The following CHIC2 variants were observed in gnomAD, a reference collection of about 807,000 sequenced individuals.
The protein encoded by CHIC2 is cysteine-rich hydrophobic domain-containing protein 2.
Under a neutral mutation model 25.9 loss-of-function variants are expected in CHIC2, and 14 were observed. The ratio of observed to expected loss-of-function variants is 0.54; its 90% CI spans 0.36 to 0.85. The LOEUF is 0.85. Ranked by LOEUF, CHIC2 falls within the 40% of genes least tolerant of loss-of-function variation. The probability of loss-of-function intolerance (pLI) is 0.01; values close to 1 mark genes in which losing one functional copy is unlikely to be tolerated. For missense variants in CHIC2, 146 were observed against 202.0 expected (o/e 0.72, Z 1.68); for synonymous variants, 70 against 72.0 (o/e 0.97, Z 0.14).
At chr4:54,050,362 C>T (rs993559795) in intron 1 of CHIC2, among the ~76,000 whole-genome samples, 5 of 152,236 alleles carry the variant, frequency 3.3e-5, no homozygotes, top group African/African-American at 1.2e-4. Context: ...ACTATCTCTA[C>T]ATTCCTCCAG....
intron 3 of CHIC2, among the ~76,000 whole-genome samples, chr4:54,021,112 A>G (rs1715886521): frequency 6.6e-6 from 1 of 152,172 alleles, no homozygotes; most frequent in African/African-American, 2.4e-5. Flanking sequence ...TCAAGAACTT[A>G]AAACCCCTTC....
intron 3 of CHIC2, among the ~76,000 whole-genome samples, chr4:54,032,519 C>A (rs1716264378): frequency 6.6e-6 from 1 of 152,288 alleles, no homozygotes; most frequent in Non-Finnish European, 1.5e-5. Flanking sequence ...CCGCCAGCCT[C>A]GGCCTCCCGA....
upstream of CHIC2, among the ~76,000 whole-genome samples, chr4:54,067,466 C>T (rs1416349929): frequency 6.6e-6 from 1 of 152,004 alleles, no homozygotes; most frequent in Non-Finnish European, 1.5e-5. Context: ...CCTCCACCTC[C>T]GCCCTGCCAA....
chr4:54,081,555 C>T, the CHIC2 span, among the ~76,000 whole-genome samples: 1 of 152,120 alleles, frequency 6.6e-6, no homozygotes, highest in African/African-American at 2.4e-5. Context: ...ATGGAAAGAT[C>T]AGGAATCTGC....
chr4:54,088,375 T>G, the CHIC2 span, among the ~76,000 whole-genome samples: 1 of 152,224 alleles, frequency 6.6e-6, no homozygotes, highest in Non-Finnish European at 1.5e-5. Context: ...AGCCACAGTT[T>G]TCTGAAAAAG....
chr4:54,036,397 G>A (rs1577973586), intron 3 of CHIC2, among the ~76,000 whole-genome samples: 1 of 152,256 alleles, frequency 6.6e-6, no homozygotes, highest in South Asian at 2.1e-4. Context: ...CTCAGCTTCT[G>A]GGGAGTACTC....
At chr4:54,036,875 A>C (rs1005148582) in intron 3 of CHIC2, among the ~76,000 whole-genome samples, 3 of 152,172 alleles carry the variant, frequency 2.0e-5, no homozygotes, top group African/African-American at 7.2e-5. Context: ...TCAAAAAAAA[A>C]AAAAGTGTAT....
At chr4:54,014,179 AGCT>A in intron 3 of CHIC2, 60 bp from the exon 4 acceptor site, 4 of 1,474,370 alleles carry the variant, frequency 2.7e-6, no homozygotes, top group Non-Finnish European at 3.8e-6. Flanking sequence ...TTTGTTTTGC[AGCT>A]GCTTTTTCTG....
chr4:54,024,417 C>G (rs1715995630), intron 3 of CHIC2, among the ~76,000 whole-genome samples: 1 of 152,106 alleles, frequency 6.6e-6, no homozygotes, highest in Admixed American at 6.5e-5. Context: ...TATACTCATT[C>G]TTATTCTTGT....
At chr4:54,065,902 A>T (rs1717508512), upstream of CHIC2, among the ~76,000 whole-genome samples, 1 of 152,214 alleles carries the variant, frequency 6.6e-6, no homozygotes, top group South Asian at 2.1e-4. Context: ...AAAATGAAGG[A>T]AAAATACAGT....
At chr4:54,060,163 A>C (rs1717288209) in intron 1 of CHIC2, 1 of 152,096 alleles carries the variant, frequency 6.6e-6, no homozygotes, top group Admixed American at 6.5e-5. Flanking sequence ...ATCAATAAAC[A>C]CTAAGGTGTT....
At chr4:54,081,981 T>C in the CHIC2 span, among the ~76,000 whole-genome samples, 20 of 152,248 alleles carry the variant, frequency 1.3e-4, no homozygotes, top group South Asian at 1.7e-3. Context: ...ACCCCACATA[T>C]GGTAAGATAA....
intron 1 of CHIC2, among the ~76,000 whole-genome samples, chr4:54,053,828 T>C (rs2110088976): frequency 6.6e-6 from 1 of 152,286 alleles, no homozygotes; most frequent in Admixed American, 6.5e-5. Context: ...TCTCGCTTTG[T>C]TGTTCAGGCT....
At chr4:54,086,973 A>C in the CHIC2 span, 1 of 774,012 alleles carries the variant, frequency 1.3e-6, no homozygotes, top group Non-Finnish European at 2.3e-6. Flanking sequence ...AACAATCTGC[A>C]GAAGAAGACA....
the CHIC2 span, among the ~76,000 whole-genome samples, chr4:54,073,300 G>A: frequency 6.6e-6 from 1 of 152,186 alleles, no homozygotes; most frequent in Non-Finnish European, 1.5e-5. Context: ...GATGGTCCCT[G>A]AGAGACTCAT....
At chr4:54,016,883 G>T (rs539284809) in intron 3 of CHIC2, among the ~76,000 whole-genome samples, 9 of 150,096 alleles carry the variant, frequency 6.0e-5, no homozygotes, top group African/African-American at 2.2e-4. Flanking sequence ...TTATTTGTTA[G>T]TAACAACAAA....
At chr4:54,066,757 C>T (rs1717528660), upstream of CHIC2, among the ~76,000 whole-genome samples, 1 of 152,052 alleles carries the variant, frequency 6.6e-6, no homozygotes. Context: ...TCTGAATTTC[C>T]TCCTTGGCAG....
At chr4:54,076,150 G>A in the CHIC2 span, among the ~76,000 whole-genome samples, 3 of 151,998 alleles carry the variant, frequency 2.0e-5, no homozygotes, top group East Asian at 1.9e-4. Flanking sequence ...TTAGGTAGGC[G>A]TGGTAAGGCA....
At chr4:54,087,048 G>T in the CHIC2 span, 1 of 1,153,398 alleles carries the variant, frequency 8.7e-7, no homozygotes, top group Non-Finnish European at 1.3e-6. Flanking sequence ...AAAGAAGGCA[G>T]CTGGTCCACA....
Sources: gnomAD v4.1 joint callset for allele counts (sites outside exome capture counted in the v4.1 genomes callset) on GRCh38, gnomAD v4.1.1 for gene constraint, MANE v1.5 for transcripts, NCBI Gene and HGNC (gene_info 2026-07-23, HGNC 2026-07-21) for gene names.